Variants in TBC1D17 observed in about 807,000 individuals in gnomAD.
TBC1D17 encodes TBC1 domain family, member 17.
A neutral mutation model predicts 78.8 loss-of-function variants in TBC1D17; 69 were observed. The ratio of observed to expected loss-of-function variants is 0.88; its 90% CI spans 0.72 to 1.07. The LOEUF (loss-of-function observed/expected upper bound fraction) is 1.07. TBC1D17 is among the 50% of genes least tolerant of loss of function. TBC1D17 has a pLI of 0.00. For missense variants in TBC1D17, 957 were observed against 861.0 expected, an observed-to-expected ratio of 1.11 and a Z score of -1.39; for synonymous variants, 456 against 358.3, an observed-to-expected ratio of 1.27 and a Z score of -3.08.
At chr19:49,887,401 TC>T in intron 13 of TBC1D17, 74 bp from the exon 14 acceptor site, 1 of 1,465,426 alleles carries the variant, frequency 6.8e-7, no homozygotes, top group East Asian at 2.3e-5. Flanking sequence ...GGGAAGGTCT[TC>T]CAGTCAGGAT....
Position 49,878,009 on chromosome 19 carries a change from C to A in TBC1D17, c.22-134C>A, listed in dbSNP as rs2074972831. ...CGAACGCGGGCTGGACCATTCTCCC[C>A]GCCTTGGTCCCGGGGCAATGGCCCT... On this transcript the variant is annotated intron_variant, in intron 1 of 16. Coordinates refer to ENST00000221543, the MANE Select transcript of TBC1D17 (RefSeq NM_024682.3). 4 of 809,982 alleles carry A rather than the reference C, an allele frequency of 4.9e-6. No homozygotes were observed. The East Asian group carries it at 8.2e-5, about 17-fold the overall frequency. 50.2% of individuals were successfully genotyped at this position (809,982 alleles called of 1,614,324 possible).
intron 4 of TBC1D17, 106 bp from the exon 5 acceptor site, chr19:49,881,162 G>C: frequency 9.6e-6 from 9 of 940,288 alleles, no homozygotes; most frequent in Non-Finnish European, 1.4e-5. Flanking sequence ...GGCTTGTGGC[G>C]GGGCCCTCAG....
chr19:49,884,676 G>T lies in TBC1D17; in HGVS notation c.1362G>T (p.Glu454Asp), dbSNP rs1555815774. The T allele has an allele frequency of 6.2e-7, 1 of 1,614,168 alleles. No homozygotes were observed. Among genetic ancestry groups the T allele is most frequent in the African/African-American group, 1.3e-5 (1 of 75,024 alleles). ...TCCCACAGCAAGGGAACTTTGAAGA[G>T]AGCCAGGAGACCATGAAGCGGCAAC... ...FMELVQGNFEESQETMKRQLG... is the reference protein window; with the variant it reads ...FMELVQGNFEDSQETMKRQLG... The change falls in exon 13 of 17, where the codon GAG becomes GAT. Residue 454 changes from glutamate to aspartate, a missense_variant. Transcript: ENST00000221543.
intron 4 of TBC1D17, 57 bp from the exon 5 acceptor site, chr19:49,881,211 G>T: frequency 6.6e-7 from 1 of 1,517,034 alleles, no homozygotes; most frequent in South Asian, 1.2e-5. Flanking sequence ...GGTTGTGGTT[G>T]ATAAGGCTGA....
rs1244547537 is a variant in TBC1D17 at position 49,882,965 on chromosome 19, AC to A, written c.928-3del. 1.2e-6 allele frequency: 2 copies of A among 1,602,584 alleles called. No homozygotes were observed. The highest frequency in any genetic ancestry group is 8.5e-7 in the Non-Finnish European group (1 of 1,173,862). On this transcript the variant is annotated splice_region_variant and splice_polypyrimidine_tract_variant and intron_variant, in intron 8 of 16. Transcript: ENST00000221543. ...CCCACTGAGCTGCCTGCCCTCCTGC[AC>A]CCCCAGGGTCTGAGCCCCAGCCTGC...
chr19:49,877,762 A>G lies in TBC1D17; in HGVS notation c.21+18A>G. On this transcript the variant is annotated intron_variant, in intron 1 of 16. Coordinates refer to ENST00000221543, the MANE Select transcript of TBC1D17 (RefSeq NM_024682.3). ...GCTACAGGGTAAGCACTGAGGACGC[A>G]TTCCCTCGCTTCAGTGTATGCGAAA... The G allele has an allele frequency of 6.3e-7, 1 of 1,587,098 alleles. No homozygotes were observed.
At chr19:49,881,987 G>A (rs929872675) in intron 5 of TBC1D17, 54 bp from the exon 6 acceptor site, 2 of 1,478,330 alleles carry the variant, frequency 1.4e-6, no homozygotes, top group South Asian at 2.3e-5. Flanking sequence ...CAGACAGCCT[G>A]GGACACTGGG....
At chr19:49,882,681 C>T in intron 7 of TBC1D17, 83 bp from the exon 8 acceptor site, 2 of 1,445,340 alleles carry the variant, frequency 1.4e-6, no homozygotes, top group East Asian at 2.5e-5. Flanking sequence ...AGCTAATAAG[C>T]TCTCTGAGCT....
chr19:49,882,344 G>A lies in TBC1D17; in HGVS notation c.742G>A (p.Asp248Asn), dbSNP rs748879279. The A allele has an allele frequency of 3.8e-5, 61 of 1,610,264 alleles. 3 individuals carry two copies. In the South Asian group the frequency reaches 3.8e-4, roughly 10 times the overall value. Reference sequence around the variant, plus strand: ...GCCACAGCCTGAGGGAGCCGCCTCCGACCTTCCCCCGCCACCCGACGATGA... The same window carrying A: ...GCCACAGCCTGAGGGAGCCGCCTCCAACCTTCCCCCGCCACCCGACGATGA... ...LQPQPEGAAS[D>N]LPPPPDDEPE... Residue 248 changes from aspartate to asparagine, a missense_variant, in exon 7 of 17, where the codon GAC (aspartate) becomes AAC (asparagine). Physicochemically the swap from Asp to Asn is conservative, Grantham distance 23. Transcript: ENST00000221543.
At chr19:49,878,746 G>C (rs1316358262) in intron 3 of TBC1D17, 174 bp downstream of exon 3, 11 of 614,624 alleles carry the variant, frequency 1.8e-5, no homozygotes, top group Non-Finnish European at 2.9e-5. Flanking sequence ...AATGGGCAGA[G>C]GATGCCCATT....
intron 13 of TBC1D17, chr19:49,886,647 G>A (rs1453228522): frequency 6.6e-6 from 1 of 152,198 alleles, no homozygotes; most frequent in Non-Finnish European, 1.5e-5. Flanking sequence ...TCACTTCCAA[G>A]AAGTGGAATT....
intron 7 of TBC1D17, 120 bp from the exon 8 acceptor site, chr19:49,882,644 C>T: frequency 3.5e-6 from 5 of 1,422,200 alleles, no homozygotes; most frequent in Non-Finnish European, 4.6e-6. Flanking sequence ...AGGCTGCTGC[C>T]TGCCCCTGAA....
intron 10 of TBC1D17, 47 bp downstream of exon 10, chr19:49,883,792 C>T (rs2075036283): frequency 3.3e-6 from 5 of 1,528,398 alleles, no homozygotes; most frequent in Non-Finnish European, 4.5e-6. Flanking sequence ...CAGGGAACCA[C>T]AGGAGGGCCT....
At chr19:49,888,182 G>A (rs1325324817) in intron 15 of TBC1D17, 49 bp from the exon 16 acceptor site, 53 of 1,551,724 alleles carry the variant, frequency 3.4e-5, no homozygotes, top group Non-Finnish European at 4.4e-5. Context: ...GGGCGCTCGG[G>A]CGGAGGTGGT....
Position 49,877,727 on chromosome 19 carries a change from G to C in TBC1D17, c.4G>C (p.Glu2Gln). The C allele has an allele frequency of 1.3e-6, 2 of 1,599,888 alleles. No homozygotes were observed. Among genetic ancestry groups the C allele is most frequent in the Non-Finnish European group, 1.7e-6 (2 of 1,174,260 alleles). M[E>Q]GAGYRVVFEK... ...AGTGGGGCCTTCGGCGGCGACTATG[G>C]AAGGAGCCGGCTACAGGGTAAGCAC... The change falls in exon 1 of 17, where the codon GAA becomes CAA. Residue 2 changes from glutamate to glutamine, a missense_variant. Transcript: ENST00000221543.
In TBC1D17 at chr19:49,884,130, C is replaced by T. The variant is rs2075038724; in HGVS notation, c.1127-123C>T. On this transcript the variant is annotated intron_variant, in intron 10 of 16. Coordinates refer to ENST00000221543, the MANE Select transcript of TBC1D17 (RefSeq NM_024682.3). Reference sequence around the variant, plus strand: ...TTCTAGAACCAGCTCTGCTTCTCCCCCAGAGCAAACCCCGAGGCTGGGGGC... The same window carrying T: ...TTCTAGAACCAGCTCTGCTTCTCCCTCAGAGCAAACCCCGAGGCTGGGGGC... 3.4e-6 allele frequency: 3 copies of T among 880,376 alleles called. No individual in the cohort carries two copies. The Admixed American group carries it at 6.1e-5, about 18-fold the overall frequency. The allele number at this position is 880,376 out of a possible 1,614,324, so 54.5% of individuals were successfully genotyped here.
intron 1 of TBC1D17, 171 bp from the exon 2 acceptor site, chr19:49,877,972 C>T: frequency 1.4e-6 from 1 of 720,946 alleles, no homozygotes; most frequent in Non-Finnish European, 2.2e-6. Context: ...CTGTGGAACG[C>T]ACGTCAGCAT....
In TBC1D17 at chr19:49,888,250, T is replaced by C; in HGVS notation, c.1679T>C (p.Met560Thr). The C allele has an allele frequency of 1.9e-6, 3 of 1,591,452 alleles. No individual in the cohort carries two copies. The highest frequency in any genetic ancestry group is 1.7e-6 in the Non-Finnish European group (2 of 1,169,764). The change falls in exon 16 of 17, where the codon ATG becomes ACG. Residue 560 changes from methionine to threonine, a missense_variant. By Grantham distance (81) the Met-to-Thr change is moderately conservative. Transcript: ENST00000221543. ...CCGCAGCACATCAACGAGCTGACTA[T>C]GAAGCTGAGCGTGGAGGACGTGCTG... ...EILKHINELTMKLSVEDVLTR... is the reference protein window; with the variant it reads ...EILKHINELTTKLSVEDVLTR...
intron 1 of TBC1D17, 145 bp downstream of exon 1, chr19:49,877,889 C>G: frequency 9.7e-7 from 1 of 1,027,488 alleles, no homozygotes; most frequent in African/African-American, 1.6e-5. Flanking sequence ...GTCACCCTCC[C>G]GTCCACCGCC....
Sources: gnomAD v4.1 joint callset for allele counts on GRCh38, gnomAD v4.1.1 for gene constraint, MANE v1.5 for transcripts, NCBI Gene and HGNC (gene_info 2026-07-23, HGNC 2026-07-21) for gene names.